CYSTM1: variants seen among roughly 807,000 people sequenced by gnomAD.
CYSTM1 encodes the protein cysteine-rich transmembrane module-containing protein 1.
A neutral mutation model predicts 13.1 loss-of-function variants in CYSTM1; 4 were observed. The observed-to-expected ratio is 0.31, with a 90% CI of 0.15 to 0.70. The LOEUF is 0.70. CYSTM1 is among the 30% of genes least tolerant of loss of function. The pLI, the probability that CYSTM1 is intolerant of heterozygous loss-of-function variation, is 0.72. For missense variants in CYSTM1, 96 were observed against 121.6 expected, an observed-to-expected ratio of 0.79 and a Z score of 0.99; for synonymous variants, 36 against 42.7, an observed-to-expected ratio of 0.84 and a Z score of 0.62.
At chr5:140,235,478 T>C (rs1483721129) in intron 2 of CYSTM1, among the ~76,000 whole-genome samples, 2 of 150,532 alleles carry the variant, frequency 1.3e-5, no homozygotes, top group African/African-American at 4.9e-5. Flanking sequence ...CGATCTTGGC[T>C]CACTGCAAGC....
intron 1 of CYSTM1, among the ~76,000 whole-genome samples, chr5:140,192,043 A>C (rs1764101353): frequency 6.6e-6 from 1 of 152,162 alleles, no homozygotes; most frequent in Non-Finnish European, 1.5e-5. Flanking sequence ...TTTTTTCCTG[A>C]GTCCCTTTCA....
intron 2 of CYSTM1, among the ~76,000 whole-genome samples, chr5:140,226,586 T>TTATATATATAGATATATA (rs1764558072): frequency 1.3e-5 from 1 of 75,312 alleles, no homozygotes; most frequent in Non-Finnish European, 2.5e-5. Context: ...ATACTAAATA[T>TTATATATATAGATATATA]TATATATATA....
At chr5:140,213,941 T>C (rs923311589) in intron 2 of CYSTM1, among the ~76,000 whole-genome samples, 9 of 152,366 alleles carry the variant, frequency 5.9e-5, no homozygotes, top group Admixed American at 5.2e-4. Context: ...TGTCAGGGAA[T>C]ATCCTTAAAA....
intron 2 of CYSTM1, among the ~76,000 whole-genome samples, chr5:140,234,334 C>T (rs150233809): frequency 6.6e-6 from 1 of 152,146 alleles, no homozygotes; most frequent in Non-Finnish European, 1.5e-5. Flanking sequence ...TACCATTAAC[C>T]GGTTATCTTG....
At chr5:140,181,194 T>G (rs1221035425) in intron 1 of CYSTM1, among the ~76,000 whole-genome samples, 1 of 152,182 alleles carries the variant, frequency 6.6e-6, no homozygotes, top group Admixed American at 6.5e-5. Context: ...GGAGAAAGTG[T>G]GTGAAGAGGG....
chr5:140,178,243 T>C (rs1763916178), intron 1 of CYSTM1, among the ~76,000 whole-genome samples: 1 of 152,276 alleles, frequency 6.6e-6, no homozygotes, highest in African/African-American at 2.4e-5. Context: ...ATGGAAACTT[T>C]CTTTGACCTT....
intron 2 of CYSTM1, chr5:140,200,202 A>G (rs1764209976): frequency 6.6e-6 from 1 of 152,156 alleles, no homozygotes; most frequent in South Asian, 2.1e-4. Flanking sequence ...GCCTATGCCT[A>G]TGTCCTGAAT....
At chr5:140,205,746 T>C (rs1480580393) in intron 2 of CYSTM1, among the ~76,000 whole-genome samples, 1 of 152,172 alleles carries the variant, frequency 6.6e-6, no homozygotes, top group Non-Finnish European at 1.5e-5. Flanking sequence ...ACAAATTTTC[T>C]GAATTTTTGC....
intron 2 of CYSTM1, among the ~76,000 whole-genome samples, chr5:140,223,667 G>A: frequency 6.6e-6 from 1 of 152,248 alleles, no homozygotes; most frequent in Non-Finnish European, 1.5e-5. Flanking sequence ...TATGTGGGGT[G>A]TGGAATAAGA....
intron 2 of CYSTM1, among the ~76,000 whole-genome samples, chr5:140,242,532 T>C (rs895329055): frequency 6.6e-6 from 1 of 152,198 alleles, no homozygotes; most frequent in Non-Finnish European, 1.5e-5. Context: ...CTAGCAGCCA[T>C]TTAAAATATG....
intron 2 of CYSTM1, among the ~76,000 whole-genome samples, chr5:140,199,724 T>C (rs1427434530): frequency 2.6e-5 from 4 of 152,218 alleles, no homozygotes; most frequent in African/African-American, 9.7e-5. Context: ...CCTGACCTAG[T>C]GTTCTGCCCA....
chr5:140,200,042 C>T (rs1764208599), intron 2 of CYSTM1: 1 of 152,096 alleles, frequency 6.6e-6, no homozygotes, highest in Non-Finnish European at 1.5e-5. Context: ...GGATAGATTG[C>T]AAAAATTTTC....
chr5:140,237,379 G>A (rs142348684), intron 2 of CYSTM1, among the ~76,000 whole-genome samples: 10 of 152,312 alleles, frequency 6.6e-5, no homozygotes, highest in East Asian at 1.9e-4. Flanking sequence ...GATTTGAGGC[G>A]AGCCTGATCT....
chr5:140,226,766 CAA>C (rs774732902), intron 2 of CYSTM1, among the ~76,000 whole-genome samples: 12 of 117,424 alleles, frequency 1.0e-4, no homozygotes, highest in Admixed American at 3.5e-4. Flanking sequence ...TACTCTGTCT[CAA>C]AAAAAAAAAA....
At position 140,239,606 on chromosome 5, in the gene CYSTM1, TGAGACCCA is replaced by T. The variant is rs1764723370; in HGVS notation, c.188-3697_188-3690del. On this transcript the variant is annotated intron_variant, in intron 2 of 2. Transcript: ENST00000261811. This position sits in a 1 kb window ranked among gnomAD's most constrained non-coding sequence, Gnocchi z 5.4. ...GCTCTTCCCAAAGCTGCTGCGCACC[TGAGACCCA>T]GGGCTTCCTGGGCCTTTCTGACCTA... Among the ~76,000 whole-genome samples the T allele has an allele frequency of 6.6e-6, 1 of 152,228 alleles. No individual in the cohort carries two copies. The highest frequency in any genetic ancestry group is 2.4e-5 in the African/African-American group (1 of 41,460).
chr5:140,200,994 T>G (rs896673390), intron 2 of CYSTM1: 1 of 152,270 alleles, frequency 6.6e-6, no homozygotes, highest in African/African-American at 2.4e-5. Context: ...GGTTCATCTA[T>G]GTTGTAGCAT....
At chr5:140,202,301 A>G (rs1041296307) in intron 2 of CYSTM1, 1 of 152,206 alleles carries the variant, frequency 6.6e-6, no homozygotes, top group African/African-American at 2.4e-5. Context: ...TACTGTATAA[A>G]ATGAACTCTG....
At chr5:140,187,171 CTT>C (rs76385156) in intron 1 of CYSTM1, among the ~76,000 whole-genome samples, 448 of 145,764 alleles carry the variant, frequency 3.1e-3, no homozygotes, top group Middle Eastern at 3.6e-3. Context: ...AATTCTAAAA[CTT>C]TTTTTTTTTT....
rs1462231774 is a variant in CYSTM1 at position 140,230,642 on chromosome 5, A to G, written c.188-12663A>G. On this transcript the variant is annotated intron_variant, in intron 2 of 2. Transcript: ENST00000261811. This position sits in a 1 kb window ranked among gnomAD's most constrained non-coding sequence, Gnocchi z 4.1. Reference sequence around the variant, plus strand: ...TTCTGTCCAAACTCCAGCTGGCCATATTGGTTCTAACAGATTTCACTCAGT... The same window carrying G: ...TTCTGTCCAAACTCCAGCTGGCCATGTTGGTTCTAACAGATTTCACTCAGT... Among the ~76,000 whole-genome samples the G allele has an allele frequency of 6.6e-6, 1 of 152,176 alleles. No individual in the cohort carries two copies. The highest frequency in any genetic ancestry group is 2.4e-5 in the African/African-American group (1 of 41,438).
Sources: allele counts gnomAD v4.1 joint callset (sites outside exome capture counted in the v4.1 genomes callset), GRCh38; gene constraint gnomAD v4.1.1; non-coding constraint Gnocchi (gnomAD v3.1); transcripts MANE v1.5; gene names NCBI Gene and HGNC (gene_info 2026-07-23, HGNC 2026-07-21).